The following ASTN1 variants were observed in gnomAD, a reference collection of about 807,000 sequenced individuals.
ASTN1 encodes the protein astrotactin-1.
Under a neutral mutation model 140.7 loss-of-function variants are expected in ASTN1, and 41 were observed. That is an observed-to-expected ratio of 0.29 (90% CI 0.23 to 0.38). The LOEUF (loss-of-function observed/expected upper bound fraction) is 0.38, where lower values mean the gene tolerates loss of function less well. ASTN1 is among the 10% of genes least tolerant of loss of function. The pLI is 1.00. For synonymous variants in ASTN1, 640 were observed against 652.2 expected, an observed-to-expected ratio of 0.98 and a Z score of 0.29; for missense variants, 1,479 against 1,678.8, an observed-to-expected ratio of 0.88 and a Z score of 2.08.
At chr1:177,082,625 T>C (rs1679235294) in intron 1 of ASTN1, among the ~76,000 whole-genome samples, 1 of 152,150 alleles carries the variant, frequency 6.6e-6, no homozygotes, top group African/African-American at 2.4e-5. Context: ...TTCGCATGCC[T>C]TCAAAGAAGC....
intron 2 of ASTN1, among the ~76,000 whole-genome samples, chr1:177,045,559 G>C (rs918569367): frequency 3.3e-5 from 5 of 152,120 alleles, no homozygotes; most frequent in African/African-American, 1.2e-4. Flanking sequence ...CAGTCAGGTG[G>C]TGGTTTCATT....
At chr1:177,101,841 C>T (rs1290515355) in intron 1 of ASTN1, among the ~76,000 whole-genome samples, 3 of 152,164 alleles carry the variant, frequency 2.0e-5, no homozygotes, top group Admixed American at 6.5e-5. Context: ...CTTGTCTTCC[C>T]TCATCATTGA....
At chr1:176,877,854 AGTG>A (rs1202641355) in intron 20 of ASTN1, among the ~76,000 whole-genome samples, 1 of 152,184 alleles carries the variant, frequency 6.6e-6, no homozygotes, top group Non-Finnish European at 1.5e-5. Flanking sequence ...CCCAAGACAC[AGTG>A]GTCCAGTTAA....
At chr1:177,050,366 G>A (rs1677478440) in intron 2 of ASTN1, among the ~76,000 whole-genome samples, 1 of 152,184 alleles carries the variant, frequency 6.6e-6, no homozygotes. Flanking sequence ...CCAAAGCCCA[G>A]CAGGCCCCAG....
chr1:176,907,070 A>G (rs1285326869), intron 16 of ASTN1, among the ~76,000 whole-genome samples: 2 of 152,190 alleles, frequency 1.3e-5, no homozygotes, highest in African/African-American at 2.4e-5. Context: ...CAGAGGGAAC[A>G]TTCCAGAGAA....
At chr1:176,873,134 A>C (rs1251270384) in intron 21 of ASTN1, among the ~76,000 whole-genome samples, 1 of 152,224 alleles carries the variant, frequency 6.6e-6, no homozygotes. Context: ...AGCATCTAAT[A>C]GCAGGGTTCG....
At chr1:176,972,777 T>G (rs1395506257) in intron 8 of ASTN1, among the ~76,000 whole-genome samples, 1 of 152,208 alleles carries the variant, frequency 6.6e-6, no homozygotes, top group Non-Finnish European at 1.5e-5. Flanking sequence ...TATAATTTTT[T>G]ATACAGAAAA....
chr1:177,042,105 G>T (rs1677005382), intron 2 of ASTN1, among the ~76,000 whole-genome samples: 1 of 152,226 alleles, frequency 6.6e-6, no homozygotes, highest in Non-Finnish European at 1.5e-5. Flanking sequence ...AGACCCTGAA[G>T]ATCCATTTCC....
At chr1:177,088,434 G>A (rs910318289) in intron 1 of ASTN1, among the ~76,000 whole-genome samples, 1 of 152,082 alleles carries the variant, frequency 6.6e-6, no homozygotes, top group African/African-American at 2.4e-5. Flanking sequence ...GACATACAGG[G>A]GTTGAAATAG....
At chr1:177,158,840 T>C (rs967682534) in intron 1 of ASTN1, among the ~76,000 whole-genome samples, 1 of 151,060 alleles carries the variant, frequency 6.6e-6, no homozygotes, top group Non-Finnish European at 1.5e-5. Context: ...GGTGGATCAT[T>C]TGAGGTCAGA....
chr1:177,050,645 C>T lies in ASTN1; in HGVS notation c.471+10433G>A, dbSNP rs541217532. Among the ~76,000 whole-genome samples, 12 of 152,264 alleles carry T rather than the reference C, an allele frequency of 7.9e-5. No individual in the cohort carries two copies. The East Asian group carries it at 2.3e-3, about 29-fold the overall frequency. ...ACATCTGCCTCTCACACAGGTAAGC[C>T]ATTTAACAAACTTTAGCAGATACTT... On this transcript the variant is annotated intron_variant, in intron 2 of 22. Transcript: ENST00000361833.
At chr1:177,094,025 T>C (rs1418933517) in intron 1 of ASTN1, among the ~76,000 whole-genome samples, 1 of 152,190 alleles carries the variant, frequency 6.6e-6, no homozygotes. Flanking sequence ...TTTCAGGAAC[T>C]TCCAGGCAAC....
chr1:176,936,910 A>G (rs1396583000), intron 14 of ASTN1, among the ~76,000 whole-genome samples: 1 of 152,220 alleles, frequency 6.6e-6, no homozygotes, highest in East Asian at 1.9e-4. Context: ...TGATATCTGA[A>G]AAGTGGGGAT....
chr1:177,135,605 G>T (rs909714391), intron 1 of ASTN1, among the ~76,000 whole-genome samples: 1 of 152,118 alleles, frequency 6.6e-6, no homozygotes, highest in Admixed American at 6.5e-5. Flanking sequence ...TGAAAAGCTG[G>T]GGGGTACGGG....
At chr1:176,948,713 G>A (rs1225819874) in intron 12 of ASTN1, among the ~76,000 whole-genome samples, 1 of 152,184 alleles carries the variant, frequency 6.6e-6, no homozygotes, top group Non-Finnish European at 1.5e-5. Context: ...GCTGCACACA[G>A]TGCTGGGACT....
intron 1 of ASTN1, among the ~76,000 whole-genome samples, chr1:177,097,255 A>T (rs962293154): frequency 1.3e-5 from 2 of 152,180 alleles, no homozygotes; most frequent in South Asian, 2.1e-4. Flanking sequence ...TGAAATTTTC[A>T]GGGAAAGATC....
At chr1:176,857,706 G>A (rs1218838031), downstream of ASTN1, 2 of 513,144 alleles carry the variant, frequency 3.9e-6, no homozygotes, top group African/African-American at 4.0e-5. Context: ...TCAGCACTAT[G>A]TGATACAGAA....
intron 2 of ASTN1, among the ~76,000 whole-genome samples, chr1:177,048,822 C>T (rs1677382249): frequency 1.3e-5 from 2 of 152,190 alleles, no homozygotes; most frequent in Admixed American, 1.3e-4. Context: ...CAGCTGAAGG[C>T]AATGGCTCTG....
intron 1 of ASTN1, among the ~76,000 whole-genome samples, chr1:177,096,898 C>A (rs1190180127): frequency 2.6e-5 from 4 of 152,084 alleles, no homozygotes; most frequent in African/African-American, 9.7e-5. Context: ...CCCCAGTGAG[C>A]TGCTTTGCCT....
Sources: gnomAD v4.1 joint callset for allele counts (sites outside exome capture counted in the v4.1 genomes callset) on GRCh38, gnomAD v4.1.1 for gene constraint, MANE v1.5 for transcripts, NCBI Gene and HGNC (gene_info 2026-07-23, HGNC 2026-07-21) for gene names.